The following HSD11B1 variants were observed in gnomAD, a reference collection of about 807,000 sequenced individuals.
HSD11B1 encodes 11-beta-hydroxysteroid dehydrogenase 1.
In HSD11B1, 15 loss-of-function variants were observed where a neutral mutation model predicts 22.1. The observed-to-expected ratio is 0.68, with a 90% CI of 0.45 to 1.04. The LOEUF is 1.04. Ranked by LOEUF, HSD11B1 falls within the 50% of genes least tolerant of loss-of-function variation. The pLI, the probability that HSD11B1 is intolerant of heterozygous loss-of-function variation, is 0.00. For synonymous variants in HSD11B1, 122 were observed against 125.2 expected, an observed-to-expected ratio of 0.97 and a Z score of 0.17; for missense variants, 281 against 357.6, an observed-to-expected ratio of 0.79 and a Z score of 1.73.
At chr1:209,699,967 C>T (rs768755838), upstream of HSD11B1, among the ~76,000 whole-genome samples, 4 of 152,180 alleles carry the variant, frequency 2.6e-5, no homozygotes, top group South Asian at 4.1e-4. Flanking sequence ...AGGTGGGTTC[C>T]CATGGTCTTG....
intron 1 of HSD11B1, 87 bp downstream of exon 1, chr1:209,705,117 T>C (rs1219092127): frequency 9.5e-7 from 1 of 1,055,660 alleles, no homozygotes; most frequent in African/African-American, 1.6e-5. Context: ...GATGTGTTCT[T>C]GATCCTCAAA....
intron 1 of HSD11B1, among the ~76,000 whole-genome samples, 174 bp downstream of exon 1, chr1:209,705,204 C>T (rs1029009673): frequency 6.6e-6 from 1 of 151,988 alleles, no homozygotes; most frequent in Non-Finnish European, 1.5e-5. Context: ...ACAGGGGGGA[C>T]TGTGTAGGAA....
At chr1:209,709,268 C>A (rs2076879790) in intron 4 of HSD11B1, among the ~76,000 whole-genome samples, 1 of 152,186 alleles carries the variant, frequency 6.6e-6, no homozygotes. Flanking sequence ...CATGGGAATA[C>A]TATACTTCTA....
chr1:209,718,215 A>C (rs1223964692), intron 4 of HSD11B1, among the ~76,000 whole-genome samples: 1 of 152,230 alleles, frequency 6.6e-6, no homozygotes, highest in Non-Finnish European at 1.5e-5. Flanking sequence ...TGTATTGTAC[A>C]TTTCAAAATA....
In HSD11B1 at chr1:209,689,550, C is replaced by T. The variant is rs141820990; in HGVS notation, c.-49+3265C>T. Among the ~76,000 whole-genome samples, 380 of 152,254 alleles carry T rather than the reference C, an allele frequency of 2.5e-3. 3 individuals are homozygous for T. The highest frequency in any genetic ancestry group is 8.9e-3 in the African/African-American group (370 of 41,546). Reference sequence around the variant, plus strand: ...GGGGCCTGATGTGAGGTGTTTGAGTCGTGGGGGTGAATCCCTCATGAATGA... The same window carrying T: ...GGGGCCTGATGTGAGGTGTTTGAGTTGTGGGGGTGAATCCCTCATGAATGA... On this transcript the variant is annotated intron_variant, in intron 1 of 6. Transcript: ENST00000261465.
At chr1:209,692,398 G>C (rs532214040) in intron 1 of HSD11B1, among the ~76,000 whole-genome samples, 6 of 152,240 alleles carry the variant, frequency 3.9e-5, no homozygotes, top group African/African-American at 1.4e-4. Flanking sequence ...ACCATGGGAA[G>C]TGAGTGATAA....
At chr1:209,717,983 G>T (rs562596131) in intron 4 of HSD11B1, among the ~76,000 whole-genome samples, 12 of 150,968 alleles carry the variant, frequency 7.9e-5, no homozygotes, top group African/African-American at 2.9e-4. Flanking sequence ...AATGAAATAA[G>T]TCAGACACAG....
At chr1:209,703,513 C>A (rs1396053803), upstream of HSD11B1, among the ~76,000 whole-genome samples, 2 of 152,192 alleles carry the variant, frequency 1.3e-5, no homozygotes, top group African/African-American at 2.4e-5. Context: ...TAGCCCTCAA[C>A]TGTTCTCAAA....
At chr1:209,693,963 T>C (rs961066940) in intron 1 of HSD11B1, among the ~76,000 whole-genome samples, 2 of 152,114 alleles carry the variant, frequency 1.3e-5, no homozygotes, top group Admixed American at 6.6e-5. Context: ...ACCTCTCCCA[T>C]CTCACTGAGA....
intron 4 of HSD11B1, among the ~76,000 whole-genome samples, chr1:209,717,639 T>A (rs1019306601): frequency 2.6e-5 from 4 of 152,034 alleles, no homozygotes; most frequent in Non-Finnish European, 5.9e-5. Flanking sequence ...ACAGATCACT[T>A]GAGGTCAGGA....
At chr1:209,710,404 T>C (rs755787371) in intron 4 of HSD11B1, among the ~76,000 whole-genome samples, 9 of 152,236 alleles carry the variant, frequency 5.9e-5, no homozygotes, top group Non-Finnish European at 1.0e-4. Flanking sequence ...TGTCTTCCTC[T>C]GCTCCTTTCT....
chr1:209,721,499 G>A (rs1006705710), intron 4 of HSD11B1, among the ~76,000 whole-genome samples: 1 of 148,452 alleles, frequency 6.7e-6, no homozygotes, highest in African/African-American at 2.6e-5. Context: ...CCCCATCCTG[G>A]GAGTCTAGTG....
intron 4 of HSD11B1, among the ~76,000 whole-genome samples, chr1:209,717,358 AT>A (rs1389164057): frequency 9.2e-5 from 14 of 152,222 alleles, no homozygotes; most frequent in Admixed American, 2.0e-4. Flanking sequence ...ACTATGAGAT[AT>A]CATCTTATCA....
At chr1:209,712,355 G>A (rs2076903116) in intron 4 of HSD11B1, among the ~76,000 whole-genome samples, 1 of 152,118 alleles carries the variant, frequency 6.6e-6, no homozygotes, top group Non-Finnish European at 1.5e-5. Context: ...AAAAAAATGG[G>A]GGGAAATAAA....
chr1:209,726,095 A>G (rs1446755225), intron 4 of HSD11B1, among the ~76,000 whole-genome samples: 1 of 152,076 alleles, frequency 6.6e-6, no homozygotes, highest in Non-Finnish European at 1.5e-5. Context: ...ATCCTGGCCA[A>G]CACAGTAAAG....
chr1:209,706,971 C>T lies in HSD11B1; in HGVS notation c.360C>T (p.His120=). 6.2e-7 allele frequency: 1 copy of T among 1,614,156 alleles called. No homozygotes were observed. Among genetic ancestry groups the T allele is most frequent in the Non-Finnish European group, 8.5e-7 (1 of 1,179,970 alleles). ...GACTAGACATGCTCATTCTCAACCACATCACCAACACTTCTTTGAATCTTT... is the reference window on the plus strand; with the variant it reads ...GACTAGACATGCTCATTCTCAACCATATCACCAACACTTCTTTGAATCTTT... ...MGGLDMLILN[H]ITNTSLNLFH... is the part of the protein sequence containing the mutation. Residue 120 remains histidine, a synonymous_variant, in exon 4 of 6, where the codon CAC becomes CAT. Coordinates refer to ENST00000367027, the MANE Select transcript of HSD11B1 (RefSeq NM_005525.4). The surrounding 1 kb of genome is among the most constrained non-coding windows in gnomAD (Gnocchi z 4.0).
chr1:209,724,810 C>T (rs1225086811), intron 4 of HSD11B1, among the ~76,000 whole-genome samples: 1 of 152,108 alleles, frequency 6.6e-6, no homozygotes, highest in Non-Finnish European at 1.5e-5. Context: ...TAATTAAATG[C>T]ACCAATGTTG....
Position 209,734,466 on chromosome 1 carries a change from T to C in HSD11B1, c.824T>C (p.Ile275Thr), listed in dbSNP as rs1204567223. Residue 275 changes from isoleucine (I) to threonine (T), a missense_variant, in exon 6 of 6, where the codon ATC (isoleucine) becomes ACC (threonine). Coordinates refer to ENST00000367027, the MANE Select transcript of HSD11B1 (RefSeq NM_005525.4). ...TLLIRNPCRK[I>T]LEFLYSTSYN... Reference sequence around the variant, plus strand: ...CTGATCAGAAATCCATGCAGGAAGATCCTGGAATTTCTCTACTCAACGAGC... The same window carrying C: ...CTGATCAGAAATCCATGCAGGAAGACCCTGGAATTTCTCTACTCAACGAGC... 6.2e-7 allele frequency: 1 copy of C among 1,614,076 alleles called. No homozygotes were observed. The highest frequency in any genetic ancestry group is 8.5e-7 in the Non-Finnish European group (1 of 1,179,980).
At chr1:209,697,884 CTTTT>C (rs988076432) in intron 1 of HSD11B1, among the ~76,000 whole-genome samples, 21 of 41,578 alleles carry the variant, frequency 5.1e-4, no homozygotes, top group African/African-American at 7.2e-4. Flanking sequence ...TTGTTTTTTC[CTTTT>C]TTTTTTTTTT....
Sources: allele counts gnomAD v4.1 joint callset (sites outside exome capture counted in the v4.1 genomes callset), GRCh38; gene constraint gnomAD v4.1.1; non-coding constraint Gnocchi (gnomAD v3.1); transcripts MANE v1.5; gene names NCBI Gene and HGNC (gene_info 2026-07-23, HGNC 2026-07-21).